SDC4: variants seen among roughly 807,000 people sequenced by gnomAD.
The protein encoded by SDC4 is syndecan 4, also known as syndecan-4.
Under a neutral mutation model 20.5 loss-of-function variants are expected in SDC4, and 17 were observed. The ratio of observed to expected loss-of-function variants is 0.83; its 90% CI spans 0.57 to 1.25. The LOEUF is 1.25. Ranked by LOEUF, SDC4 falls within the 50% of genes most tolerant of loss-of-function variation. SDC4 has a pLI of 0.00. For synonymous variants in SDC4, 107 were observed against 105.3 expected (o/e 1.02, Z -0.10); for missense variants, 241 against 252.3 (o/e 0.96, Z 0.30).
rs1987669748 is a variant in SDC4, at chr20:45,325,540, A to T, written c.*1724T>A. ...GGTCAGGAGGAGACACGACCTGCCCAGGCTAAGCCACCAGGCCTCCCCTCT... is the reference window on the plus strand; with the variant it reads ...GGTCAGGAGGAGACACGACCTGCCCTGGCTAAGCCACCAGGCCTCCCCTCT... On this transcript the variant is annotated 3_prime_UTR_variant, in exon 5 of 5. Transcript: ENST00000372733. 6.6e-6 allele frequency: 1 copy of T among 152,532 alleles called. No homozygotes were observed. The highest frequency in any genetic ancestry group is 1.5e-5 in the Non-Finnish European group (1 of 68,020). 9.4% of individuals were successfully genotyped at this position (152,532 alleles called of 1,614,324 possible). A position where few individuals can be genotyped will look rare whatever the true frequency, so the allele number is the denominator to read the frequency against.
At chr20:45,343,574 TCGATAATTAG>T (rs1391319119) in intron 1 of SDC4, among the ~76,000 whole-genome samples, 1 of 152,128 alleles carries the variant, frequency 6.6e-6, no homozygotes, top group Non-Finnish European at 1.5e-5. Flanking sequence ...ATAAACCCAT[TCGATAATTAG>T]CAAACAGCCC....
chr20:45,348,372 G>T lies in SDC4; in HGVS notation c.13C>A (p.Arg5Ser). Residue 5 changes from arginine (R) to serine (S), a missense_variant, in exon 1 of 5, where the codon CGT (arginine) becomes AGT (serine). Coordinates refer to ENST00000372733, the MANE Select transcript of SDC4 (RefSeq NM_002999.4). ...AAGAACAGCAGCAGCGCGAACAGAC[G>T]GGCGGGGGCCATGGCACCGCGGACT... Reference protein sequence around the residue: MAPARLFALLLFFVG... With the variant: MAPASLFALLLFFVG... 1.3e-6 allele frequency: 2 copies of T among 1,586,382 alleles called. No individual in the cohort carries two copies. Among genetic ancestry groups the T allele is most frequent in the Non-Finnish European group, 1.7e-6 (2 of 1,168,160 alleles).
At chr20:45,340,943 G>C (rs1987944674) in intron 1 of SDC4, among the ~76,000 whole-genome samples, 1 of 152,212 alleles carries the variant, frequency 6.6e-6, no homozygotes, top group African/African-American at 2.4e-5. Flanking sequence ...CCACAACTGT[G>C]ACTCTACCAC....
rs1874757363 is a variant in SDC4 at position 45,326,551 on chromosome 20, C to T, written c.*713G>A. The T allele has an allele frequency of 6.6e-6, 1 of 152,230 alleles. No homozygotes were observed. The highest frequency in any genetic ancestry group is 2.4e-5 in the African/African-American group (1 of 41,396). 9.4% of individuals were successfully genotyped at this position (152,230 alleles called of 1,614,324 possible). A position where few individuals can be genotyped will look rare whatever the true frequency, so the allele number is the denominator to read the frequency against. On this transcript the variant is annotated 3_prime_UTR_variant, in exon 5 of 5. Transcript: ENST00000372733. Reference sequence around the variant, plus strand: ...CACCTCGGCACCTCCACACTCTTGCCCAGGCAGAGATATACACTCTGCACA... The same window carrying T: ...CACCTCGGCACCTCCACACTCTTGCTCAGGCAGAGATATACACTCTGCACA...
chr20:45,335,715 T>A, intron 2 of SDC4, 67 bp downstream of exon 2: 1 of 1,550,356 alleles, frequency 6.5e-7, no homozygotes, highest in East Asian at 2.3e-5. Flanking sequence ...ATGGTCACCC[T>A]CCTGGCTGGT....
chr20:45,342,504 C>T (rs1203797793), intron 1 of SDC4, among the ~76,000 whole-genome samples: 1 of 152,220 alleles, frequency 6.6e-6, no homozygotes, highest in African/African-American at 2.4e-5. Flanking sequence ...CCTCCCCTTT[C>T]CATTACCCCA....
chr20:45,344,264 G>C lies in SDC4; in HGVS notation c.60+4061C>G, dbSNP rs1987998411. 2.0e-5 allele frequency among the ~76,000 whole-genome samples: 3 copies of C among 151,442 alleles called. No homozygotes were observed. In the Admixed American group the frequency reaches 2.0e-4, roughly 10 times the overall value. On this transcript the variant is annotated intron_variant, in intron 1 of 4. Transcript: ENST00000372733. The stretch of plus-strand genomic sequence containing the variant: ...CAGGCAAGGGGCTGTGAAAGTGCGG[G>C]ACCTAGTACAAACATGTCCTGTATG...
At chr20:45,337,082 G>A (rs188437314) in intron 1 of SDC4, among the ~76,000 whole-genome samples, 154 of 152,124 alleles carry the variant, frequency 1.0e-3, no homozygotes, top group African/African-American at 3.5e-3. Context: ...CAAAGGTCCC[G>A]GGCAGCCCTA....
At chr20:45,346,588 CCT>C in intron 1 of SDC4, among the ~76,000 whole-genome samples, 1 of 152,316 alleles carries the variant, frequency 6.6e-6, no homozygotes, top group East Asian at 1.9e-4. Flanking sequence ...TGGGTCCTTT[CCT>C]CTTTTTCCCT....
At chr20:45,327,931 G>A (rs1013484267) in intron 4 of SDC4, among the ~76,000 whole-genome samples, 7 of 152,184 alleles carry the variant, frequency 4.6e-5, no homozygotes, top group South Asian at 2.1e-4. Flanking sequence ...CACCGCACTC[G>A]GCCAAGGCCA....
chr20:45,343,460 A>G (rs921757842), intron 1 of SDC4, among the ~76,000 whole-genome samples: 2 of 151,766 alleles, frequency 1.3e-5, no homozygotes, highest in Admixed American at 6.6e-5. Flanking sequence ...CCCTTGGCAA[A>G]CCCCCTGCCC....
At chr20:45,342,267 C>A (rs1181198078) in intron 1 of SDC4, among the ~76,000 whole-genome samples, 4 of 152,202 alleles carry the variant, frequency 2.6e-5, no homozygotes, top group African/African-American at 9.7e-5. Flanking sequence ...CCCTCACCGA[C>A]CCCCAAGGAA....
chr20:45,347,620 C>A (rs1988051712), intron 1 of SDC4, among the ~76,000 whole-genome samples: 1 of 152,208 alleles, frequency 6.6e-6, no homozygotes, highest in Non-Finnish European at 1.5e-5. Flanking sequence ...AAAGCAGAGG[C>A]TCAGCTCCTG....
chr20:45,336,041 C>T, intron 1 of SDC4, 121 bp from the exon 2 acceptor site: 6 of 1,037,312 alleles, frequency 5.8e-6, no homozygotes, highest in Non-Finnish European at 6.9e-6. Flanking sequence ...GGCCTGGAGA[C>T]CTGCGTCCTG....
At chr20:45,330,783 G>A (rs1987765823) in intron 3 of SDC4, among the ~76,000 whole-genome samples, 1 of 152,138 alleles carries the variant, frequency 6.6e-6, no homozygotes, top group Non-Finnish European at 1.5e-5. Flanking sequence ...AAAAATGAAT[G>A]CACCCAAGGG....
chr20:45,327,994 C>G lies in SDC4; in HGVS notation c.446-579G>C, dbSNP rs1030905129. ...TAAAGCCTAGGCTCTTTCCAAACACCACGCGGACTCCCCTGCAACAGTCTA... is the reference window on the plus strand; with the variant it reads ...TAAAGCCTAGGCTCTTTCCAAACACGACGCGGACTCCCCTGCAACAGTCTA... On this transcript the variant is annotated intron_variant, in intron 4 of 4. Coordinates refer to ENST00000372733, the MANE Select transcript of SDC4 (RefSeq NM_002999.4). 2.1e-4 allele frequency among the ~76,000 whole-genome samples: 32 copies of G among 152,176 alleles called. 1 individual carries two copies. The highest frequency in any genetic ancestry group is 1.6e-3 in the Admixed American group (24 of 15,278).
rs558511154 is a variant in SDC4, at chr20:45,327,350, G to A, written c.511C>T (p.Arg171Cys). The change falls in exon 5 of 5, where the codon CGT becomes TGT. Residue 171 changes from arginine to cysteine, a missense_variant. Arg to Cys is a radical substitution (Grantham distance 180). Coordinates refer to ENST00000372733, the MANE Select transcript of SDC4 (RefSeq NM_002999.4). ...CTGCCTTCATCCTTCTTCTTCATAC[G>A]GTACATGAGCAGTAGGATCAGGAAG... Reference protein sequence around the residue: ...AVFLILLLMYRMKKKDEGSYD... With the variant: ...AVFLILLLMYCMKKKDEGSYD... 3.0e-5 allele frequency: 48 copies of A among 1,614,062 alleles called. No individual in the cohort carries two copies. The East Asian group carries it at 6.0e-4, about 20-fold the overall frequency.
intron 4 of SDC4, among the ~76,000 whole-genome samples, chr20:45,329,778 T>C (rs1375442227): frequency 6.6e-6 from 1 of 152,180 alleles, no homozygotes; most frequent in African/African-American, 2.4e-5. Context: ...TCACCGCACA[T>C]TCCAGTAAAG....
rs1019249516 is a variant in SDC4, at chr20:45,330,224, A to C, written c.445+142T>G. On this transcript the variant is annotated intron_variant, in intron 4 of 4. Transcript: ENST00000372733. ...CCCCATAAGGAAGGTGTAGTCTTTC[A>C]ATGTTCTAGGGCAACCTGAATAGGC... The C allele has an allele frequency of 4.9e-5, 35 of 721,298 alleles. No homozygotes were observed. The African/African-American group carries it at 5.9e-4, about 12-fold the overall frequency. The allele number at this position is 721,298 out of a possible 1,614,324, so 44.7% of individuals were successfully genotyped here.
Sources: allele counts gnomAD v4.1 joint callset (sites outside exome capture counted in the v4.1 genomes callset), GRCh38; gene constraint gnomAD v4.1.1; transcripts MANE v1.5; gene names NCBI Gene and HGNC (gene_info 2026-07-23, HGNC 2026-07-21).